The following ZNF439 variants were observed in gnomAD, a reference collection of about 807,000 sequenced individuals.
ZNF439 encodes zinc finger protein 439.
A neutral mutation model predicts 47.3 loss-of-function variants in ZNF439; 40 were observed. That is an observed-to-expected ratio of 0.85 (90% CI 0.66 to 1.10). ZNF439 has a LOEUF of 1.10. Ranked by LOEUF, ZNF439 falls within the 50% of genes least tolerant of loss-of-function variation. The probability of loss-of-function intolerance (pLI) is 0.00; values close to 1 mark genes in which losing one functional copy is unlikely to be tolerated. For synonymous variants in ZNF439, 171 were observed against 198.8 expected, an observed-to-expected ratio of 0.86 and a Z score of 1.18; for missense variants, 556 against 601.1, an observed-to-expected ratio of 0.93 and a Z score of 0.78.
intron 1 of ZNF439, chr19:11,856,119 A>G (rs145504286): frequency 4.8e-4 from 73 of 152,322 alleles, no homozygotes; most frequent in African/African-American, 1.7e-3. Flanking sequence ...CTTTCAGATA[A>G]ACTTTCCTCT....
At chr19:11,862,062 A>T (rs548471996) in intron 1 of ZNF439, among the ~76,000 whole-genome samples, 265 of 152,158 alleles carry the variant, frequency 1.7e-3, no homozygotes, top group Non-Finnish European at 3.4e-3. Context: ...TTGCTTGACA[A>T]CTCATTTAGT....
intron 1 of ZNF439, chr19:11,856,050 C>A (rs2145162349): frequency 6.6e-6 from 1 of 152,350 alleles, no homozygotes; most frequent in African/African-American, 2.4e-5. Flanking sequence ...ACCTTCATCC[C>A]CATGTCAGTA....
intron 1 of ZNF439, among the ~76,000 whole-genome samples, chr19:11,865,594 A>G (rs2145181435): frequency 6.7e-6 from 1 of 150,352 alleles, no homozygotes; most frequent in South Asian, 2.1e-4. Context: ...AGGACTGCTA[A>G]TGTTAACTTT....
At chr19:11,863,444 G>T (rs1599322452) in intron 1 of ZNF439, among the ~76,000 whole-genome samples, 1 of 152,104 alleles carries the variant, frequency 6.6e-6, no homozygotes, top group Non-Finnish European at 1.5e-5. Context: ...ACAAGCATGA[G>T]CCACCATGCC....
At chr19:11,862,470 G>C (rs1274558651) in intron 1 of ZNF439, among the ~76,000 whole-genome samples, 4 of 151,768 alleles carry the variant, frequency 2.6e-5, no homozygotes. Context: ...GCAGTTATGA[G>C]TAAGGCTGCT....
At chr19:11,860,148 A>G (rs911568351) in intron 1 of ZNF439, among the ~76,000 whole-genome samples, 1 of 152,158 alleles carries the variant, frequency 6.6e-6, no homozygotes, top group Non-Finnish European at 1.5e-5. Flanking sequence ...AGACTGTTTA[A>G]GTAAAACTTT....
chr19:11,856,997 T>C (rs757806455), intron 1 of ZNF439: 4 of 152,178 alleles, frequency 2.6e-5, no homozygotes, highest in African/African-American at 4.8e-5. Context: ...TCACAGACAA[T>C]GTTAATGGGA....
rs1976783391 is a variant in ZNF439, at chr19:11,868,591, CT to C, written c.*26del. The C allele has an allele frequency of 1.3e-6, 2 of 1,582,792 alleles. No individual in the cohort carries two copies. The highest frequency in any genetic ancestry group is 1.4e-5 in the African/African-American group (1 of 73,106). On this transcript the variant is annotated 3_prime_UTR_variant, in exon 4 of 4. Coordinates refer to ENST00000682736, the MANE Select transcript of ZNF439 (RefSeq NM_001348719.2). ...ATAAATATAAGATATATGGGAAACA[CT>C]TTTATTCTGCCAAGTTATTTCAAAC...
At position 11,867,518 on chromosome 19, in the gene ZNF439, G is replaced by A. The variant is rs1234167742; in HGVS notation, c.464G>A (p.Cys155Tyr). The A allele has an allele frequency of 1.2e-6, 2 of 1,614,028 alleles. No individual in the cohort carries two copies. Among genetic ancestry groups the A allele is most frequent in the Middle Eastern group, 1.6e-4 (1 of 6,084 alleles). Reference sequence around the variant, plus strand: ...GACACTGGACACAAGGCATGTGAATGTCAGGAATATGGACCAAAGCCATGG... The same window carrying A: ...GACACTGGACACAAGGCATGTGAATATCAGGAATATGGACCAAAGCCATGG... The part of the protein sequence containing the change: ...RGDTGHKACE[C>Y]QEYGPKPWKS... Residue 155 changes from cysteine (C) to tyrosine (Y), a missense_variant, in exon 4 of 4, where the codon TGT (cysteine) becomes TAT (tyrosine). Coordinates refer to ENST00000682736, the MANE Select transcript of ZNF439 (RefSeq NM_001348719.2).
chr19:11,849,066 C>T (rs1976155200), intron 1 of ZNF439, 136 bp downstream of exon 1: 4 of 1,221,362 alleles, frequency 3.3e-6, no homozygotes, highest in East Asian at 5.3e-5. Context: ...TCCCCGCGGC[C>T]GCTGGATGTG....
chr19:11,848,914 C>G lies in ZNF439; in HGVS notation c.47C>G (p.Ser16Cys). 1.9e-6 allele frequency: 3 copies of G among 1,574,516 alleles called. No homozygotes were observed. In the South Asian group the frequency reaches 3.3e-5, roughly 17 times the overall value. Residue 16 changes from serine (S) to cysteine (C), a missense_variant, in exon 1 of 4, where the codon TCT (serine) becomes TGT (cysteine). Transcript: ENST00000682736. Reference protein sequence around the residue: ...HRSCREDPGTSESREMDPVAF... With the variant: ...HRSCREDPGTCESREMDPVAF... ...AGCTGTAGAGAGGACCCCGGTACATCTGAAAGCCGGGAAATGGTGCGTGTG... is the reference window on the plus strand; with the variant it reads ...AGCTGTAGAGAGGACCCCGGTACATGTGAAAGCCGGGAAATGGTGCGTGTG...
At position 11,848,849 on chromosome 19, in the gene ZNF439, T is replaced by C; in HGVS notation, c.-19T>C. 6.5e-7 allele frequency: 1 copy of C among 1,548,004 alleles called. No homozygotes were observed. Among genetic ancestry groups the C allele is most frequent in the Non-Finnish European group, 8.8e-7 (1 of 1,139,266 alleles). ...CCTAGTGCCTCTACCCAGATTTCTG[T>C]CGCTCTGTCACCTGCGCTATGCCCT... On this transcript the variant is annotated 5_prime_UTR_variant, in exon 1 of 4. Transcript: ENST00000682736.
rs773742800 is a variant in ZNF439, at chr19:11,868,360, A to G, written c.1306A>G (p.Thr436Ala). The change falls in exon 4 of 4, where the codon ACT becomes GCT. Residue 436 changes from threonine to alanine, a missense_variant. Coordinates refer to ENST00000682736, the MANE Select transcript of ZNF439 (RefSeq NM_001348719.2). The part of the protein sequence containing the change: ...SAPNLQLHGR[T>A]HTGEKPYQCK... ...CCCAAATCTTCAATTGCATGGTAGG[A>G]CTCACACTGGAGAGAAACCGTATCA... 2 of 1,606,386 alleles carry G rather than the reference A, an allele frequency of 1.2e-6. No homozygotes were observed. The highest frequency in any genetic ancestry group is 2.2e-5 in the South Asian group (2 of 90,958).
chr19:11,854,129 T>C (rs544843628), intron 1 of ZNF439, among the ~76,000 whole-genome samples: 2 of 152,356 alleles, frequency 1.3e-5, no homozygotes, highest in South Asian at 4.1e-4. Context: ...ACCATAGAAC[T>C]ATGGATTTCA....
intron 1 of ZNF439, chr19:11,857,623 G>A (rs279208): frequency 0.21 from 31,283 of 152,138 alleles, 4,888 homozygotes; most frequent in African/African-American, 0.44. Context: ...TGCCTCTTTG[G>A]TCAATTGCTG....
At chr19:11,862,544 A>G (rs1406090648) in intron 1 of ZNF439, among the ~76,000 whole-genome samples, 1 of 152,130 alleles carries the variant, frequency 6.6e-6, no homozygotes, top group Non-Finnish European at 1.5e-5. Flanking sequence ...GTCAATATGT[A>G]GGAATGAGAC....
At chr19:11,863,536 G>C (rs890750203) in intron 1 of ZNF439, among the ~76,000 whole-genome samples, 2 of 152,060 alleles carry the variant, frequency 1.3e-5, no homozygotes, top group African/African-American at 4.8e-5. Flanking sequence ...ACCAGTCCTT[G>C]ATCAGATAGG....
intron 1 of ZNF439, among the ~76,000 whole-genome samples, chr19:11,851,630 T>C (rs968916122): frequency 1.3e-5 from 2 of 151,912 alleles, no homozygotes; most frequent in African/African-American, 4.8e-5. Flanking sequence ...ACATTTTCCA[T>C]AGAAGGCTGA....
chr19:11,853,114 G>C (rs1976294604), intron 1 of ZNF439, among the ~76,000 whole-genome samples: 1 of 149,808 alleles, frequency 6.7e-6, no homozygotes, highest in South Asian at 2.1e-4. Context: ...ATTTTTAGTA[G>C]AGACTTGGTT....
Sources: gnomAD v4.1 joint callset for allele counts (sites outside exome capture counted in the v4.1 genomes callset) on GRCh38, gnomAD v4.1.1 for gene constraint, MANE v1.5 for transcripts, NCBI Gene and HGNC (gene_info 2026-07-23, HGNC 2026-07-21) for gene names.